The following DENND4A variants were observed in gnomAD, a reference collection of about 807,000 sequenced individuals.
DENND4A encodes DENN domain containing 4A.
A neutral mutation model predicts 199.3 loss-of-function variants in DENND4A; 70 were observed. The observed-to-expected ratio is 0.35, with a 90% CI of 0.29 to 0.43. The LOEUF is 0.43. Among genes scored for constraint, DENND4A ranks in the 20% least tolerant of loss-of-function variants. The pLI is 1.00. For synonymous variants in DENND4A, 686 were observed against 766.9 expected, an observed-to-expected ratio of 0.89 and a Z score of 1.74; for missense variants, 1,723 against 2,255.8, an observed-to-expected ratio of 0.76 and a Z score of 4.78.
chr15:65,698,234 A>C (rs1343578394), intron 20 of DENND4A, among the ~76,000 whole-genome samples: 1 of 152,168 alleles, frequency 6.6e-6, no homozygotes, highest in Non-Finnish European at 1.5e-5. Context: ...GCACCCCTGC[A>C]CTCCAGTCTG....
Position 65,749,030 on chromosome 15 carries a change from C to T in DENND4A, c.561+3349G>A, listed in dbSNP as rs189030209. Among the ~76,000 whole-genome samples, 29 of 150,916 alleles carry T rather than the reference C, an allele frequency of 1.9e-4. No homozygotes were observed. In the East Asian group the frequency reaches 5.2e-3, roughly 27 times the overall value. On this transcript the variant is annotated intron_variant, in intron 4 of 32. Transcript: ENST00000443035. ...AACAAAAAGAAAAACCCAATTGTTT[C>T]TTCAGAGTAGCTGCAGTAGAAAAAA...
intron 23 of DENND4A, among the ~76,000 whole-genome samples, chr15:65,689,713 T>C (rs1258761720): frequency 6.6e-6 from 1 of 152,204 alleles, no homozygotes; most frequent in Non-Finnish European, 1.5e-5. Context: ...TCATGCAGTA[T>C]CAAGTATTTG....
At chr15:65,742,598 T>C (rs2076289347) in intron 4 of DENND4A, among the ~76,000 whole-genome samples, 1 of 152,150 alleles carries the variant, frequency 6.6e-6, no homozygotes, top group African/African-American at 2.4e-5. Flanking sequence ...GGCCAATTTT[T>C]GTATTTTTAG....
In DENND4A at chr15:65,690,954, G is replaced by A; in HGVS notation, c.3640C>T (p.Leu1214Phe). ...KTDVATGFDP[L>F]SLLVAETEQQ... ...TCAGTCTCAGCAACCAAAAGAGAGA[G>A]GGGATCAAATCCTGTTGCGACATCA... Residue 1214 changes from leucine to phenylalanine, a missense_variant, in exon 23 of 33, where the codon CTC (leucine) becomes TTC (phenylalanine). Coordinates refer to ENST00000443035, the MANE Select transcript of DENND4A (RefSeq NM_001320835.1). 1.2e-6 allele frequency: 2 copies of A among 1,602,716 alleles called. No homozygotes were observed. The highest frequency in any genetic ancestry group is 1.7e-6 in the Non-Finnish European group (2 of 1,174,060).
chr15:65,707,787 G>A (rs913236345), intron 14 of DENND4A, among the ~76,000 whole-genome samples: 2 of 151,704 alleles, frequency 1.3e-5, no homozygotes, highest in Non-Finnish European at 2.9e-5. Flanking sequence ...CCAGGTTCAA[G>A]CAATTCTCAT....
intron 23 of DENND4A, among the ~76,000 whole-genome samples, chr15:65,684,201 G>T (rs1166809897): frequency 1.3e-5 from 2 of 152,130 alleles, no homozygotes; most frequent in South Asian, 2.1e-4. Flanking sequence ...TCTTTGTGTA[G>T]TCTATGTTTT....
intron 11 of DENND4A, among the ~76,000 whole-genome samples, chr15:65,727,571 A>G (rs2075838847): frequency 1.3e-5 from 2 of 151,910 alleles, no homozygotes; most frequent in African/African-American, 4.8e-5. Flanking sequence ...GCAGTGAGCT[A>G]TGATCATGCT....
intron 1 of DENND4A, among the ~76,000 whole-genome samples, chr15:65,783,634 A>G (rs2077491785): frequency 1.3e-5 from 2 of 152,156 alleles, no homozygotes; most frequent in South Asian, 4.1e-4. Flanking sequence ...GGAAATATAC[A>G]AGATGAGTCT....
intron 13 of DENND4A, 91 bp from the exon 14 acceptor site, chr15:65,715,714 T>A (rs1189770611): frequency 2.3e-5 from 29 of 1,257,758 alleles, no homozygotes; most frequent in Non-Finnish European, 2.7e-5. Context: ...AACAACCATG[T>A]CATCTATACC....
At chr15:65,771,989 A>T in intron 1 of DENND4A, 2 of 1,504,510 alleles carry the variant, frequency 1.3e-6, no homozygotes, top group South Asian at 2.3e-5. Context: ...ACTTCATAGT[A>T]ATTTTTATAT....
chr15:65,662,044 A>C, intron 32 of DENND4A, 57 bp from the exon 33 acceptor site: 1 of 1,441,044 alleles, frequency 6.9e-7, no homozygotes, highest in Non-Finnish European at 9.5e-7. Flanking sequence ...GATGTTGAAA[A>C]CTATCAAGTT....
At chr15:65,687,107 T>C (rs2076811239) in intron 23 of DENND4A, among the ~76,000 whole-genome samples, 1 of 152,198 alleles carries the variant, frequency 6.6e-6, no homozygotes. Context: ...CTCTTTAAGA[T>C]TTCCTGTTCT....
intron 1 of DENND4A, among the ~76,000 whole-genome samples, chr15:65,774,846 T>G (rs1188555357): frequency 1.3e-5 from 2 of 150,172 alleles, no homozygotes; most frequent in Non-Finnish European, 3.0e-5. Context: ...TTGTGGATAC[T>G]TAACAGTTTT....
Position 65,701,768 on chromosome 15 carries a change from A to G in DENND4A, c.2553T>C (p.Tyr851=). The G allele has an allele frequency of 1.2e-6, 2 of 1,613,564 alleles. No individual in the cohort carries two copies. Among genetic ancestry groups the G allele is most frequent in the Non-Finnish European group, 1.7e-6 (2 of 1,179,542 alleles). The change falls in exon 18 of 33, where the codon TAT becomes TAC. Residue 851 remains tyrosine (Y), a synonymous_variant. Coordinates refer to ENST00000443035, the MANE Select transcript of DENND4A (RefSeq NM_001320835.1). Reference sequence around the variant, plus strand: ...ATTAAACCAAGGTATTTACCTTATTATAATAACCATAAGTAATGGCATTGG... The same window carrying G: ...ATTAAACCAAGGTATTTACCTTATTGTAATAACCATAAGTAATGGCATTGG... The part of the protein sequence containing the change: ...IDPNAITYGY[Y]NKAVLESTWP...
intron 23 of DENND4A, among the ~76,000 whole-genome samples, chr15:65,681,776 C>G (rs893896614): frequency 9.9e-5 from 15 of 152,054 alleles, no homozygotes; most frequent in African/African-American, 3.1e-4. Flanking sequence ...CCATGTTGCC[C>G]AGACTGGTCT....
chr15:65,774,403 T>C (rs965401041), intron 1 of DENND4A, among the ~76,000 whole-genome samples: 3 of 152,212 alleles, frequency 2.0e-5, no homozygotes, highest in African/African-American at 7.2e-5. Flanking sequence ...GGCAGGAGAA[T>C]AGCTTGAACC....
rs1172942077 is a variant in DENND4A, at chr15:65,772,951, C to T, written c.-101-11513G>A. Reference sequence around the variant, plus strand: ...CCTGACCTTGCTGGCACCCTGATCTCGGACCTCCAACCTTGAGAACCATGG... The same window carrying T: ...CCTGACCTTGCTGGCACCCTGATCTTGGACCTCCAACCTTGAGAACCATGG... On this transcript the variant is annotated intron_variant, in intron 1 of 32. Coordinates refer to ENST00000443035, the MANE Select transcript of DENND4A (RefSeq NM_001320835.1). 4.4e-5 allele frequency among the ~76,000 whole-genome samples: 6 copies of T among 136,600 alleles called. No homozygotes were observed. In the East Asian group the frequency reaches 8.2e-4, roughly 19 times the overall value. The allele number at this position is 136,600 out of a possible 152,430, so 89.6% of individuals were successfully genotyped here.
chr15:65,757,037 CAAAT>C (rs537036343), intron 2 of DENND4A, among the ~76,000 whole-genome samples: 6 of 151,848 alleles, frequency 4.0e-5, no homozygotes, highest in African/African-American at 7.3e-5. Context: ...AACTCCATCT[CAAAT>C]AAATAAATAA....
chr15:65,778,683 G>A (rs1378955885), intron 1 of DENND4A, among the ~76,000 whole-genome samples: 2 of 151,942 alleles, frequency 1.3e-5, no homozygotes, highest in Non-Finnish European at 2.9e-5. Flanking sequence ...CGGATCACGA[G>A]GTCAGGAGAT....
Sources: gnomAD v4.1 joint callset for allele counts (sites outside exome capture counted in the v4.1 genomes callset) on GRCh38, gnomAD v4.1.1 for gene constraint, MANE v1.5 for transcripts, NCBI Gene and HGNC (gene_info 2026-07-23, HGNC 2026-07-21) for gene names.